The following IBTK variants were observed in gnomAD, a reference collection of about 807,000 sequenced individuals.
IBTK encodes the protein inhibitor of Bruton tyrosine kinase, also known as BTK-binding protein.
A neutral mutation model predicts 154.9 loss-of-function variants in IBTK; 83 were observed. That is an observed-to-expected ratio of 0.54 (90% CI 0.45 to 0.64). IBTK has a LOEUF of 0.64. Ranked by LOEUF, IBTK falls within the 30% of genes least tolerant of loss-of-function variation. IBTK has a pLI of 0.00. For synonymous variants in IBTK, 515 were observed against 536.1 expected (o/e 0.96, Z 0.54); for missense variants, 1,332 against 1,584.6 (o/e 0.84, Z 2.71).
intron 11 of IBTK, 147 bp from the exon 12 acceptor site, chr6:82,214,976 G>A: frequency 1.4e-6 from 1 of 738,994 alleles, no homozygotes; most frequent in Non-Finnish European, 2.1e-6. Flanking sequence ...CAAGAATATT[G>A]CACAAAGTCC....
Position 82,202,588 on chromosome 6 carries a change from T to C in IBTK, c.2669A>G (p.Gln890Arg), listed in dbSNP as rs1769251165. The C allele has an allele frequency of 1.2e-6, 2 of 1,611,392 alleles. No homozygotes were observed. The highest frequency in any genetic ancestry group is 1.7e-5 in the Admixed American group (1 of 59,470). The change falls in exon 18 of 29, where the codon CAG becomes CGG. Residue 890 changes from glutamine to arginine, a missense_variant. This residue lies in a region of IBTK where 1,134 missense variants were observed against 1,274.7 expected (regional missense o/e 0.89). Coordinates refer to ENST00000306270, the MANE Select transcript of IBTK (RefSeq NM_015525.4). ...AAACTGTAAACAAGACAGTTTCAAC[T>C]GTTTTGCACTATACATTGCTGCAAA... is the stretch of plus-strand genomic sequence containing the variant. ...LEFAAMYSAKQLKLSCLQFIG... is the reference protein window; with the variant it reads ...LEFAAMYSAKRLKLSCLQFIG...
intron 9 of IBTK, among the ~76,000 whole-genome samples, chr6:82,218,461 T>C (rs1371039073): frequency 6.6e-6 from 1 of 152,170 alleles, no homozygotes; most frequent in Non-Finnish European, 1.5e-5. Context: ...AACAAAATCT[T>C]AAAGCTACAA....
Position 82,194,661 on chromosome 6 carries a change from T to C in IBTK, c.3175-19A>G. 1 of 1,540,666 alleles carries C rather than the reference T, an allele frequency of 6.5e-7. No individual in the cohort carries two copies. Among genetic ancestry groups the C allele is most frequent in the Non-Finnish European group, 8.7e-7 (1 of 1,147,644 alleles). ...CTTTCGCCTGGGGAGAGAAAAAAAA[T>C]AAAAAAAGTTAACAGGCACCTAGAA... is the stretch of plus-strand genomic sequence containing the variant. On this transcript the variant is annotated intron_variant, in intron 22 of 28. Transcript: ENST00000306270.
intron 4 of IBTK, among the ~76,000 whole-genome samples, 191 bp downstream of exon 4, chr6:82,231,527 T>C (rs1770503019): frequency 6.6e-6 from 1 of 152,194 alleles, no homozygotes; most frequent in African/African-American, 2.4e-5. Flanking sequence ...TTAGGGTATT[T>C]TACAAAGTCT....
intron 22 of IBTK, 73 bp from the exon 23 acceptor site, chr6:82,194,715 T>C: frequency 1.1e-6 from 1 of 939,094 alleles, no homozygotes; most frequent in Non-Finnish European, 1.5e-6. Context: ...TGGTACTTAA[T>C]AAATATTAGT....
intron 18 of IBTK, 70 bp from the exon 19 acceptor site, chr6:82,201,552 C>A: frequency 9.8e-7 from 1 of 1,024,788 alleles, no homozygotes; most frequent in Non-Finnish European, 1.5e-6. Context: ...TGCTTACATA[C>A]GTAGATATTT....
intron 2 of IBTK, among the ~76,000 whole-genome samples, chr6:82,236,618 G>T (rs1370895684): frequency 6.7e-6 from 1 of 149,258 alleles, no homozygotes; most frequent in East Asian, 1.9e-4. Flanking sequence ...TTCTGCTAAG[G>T]TTTTATATCT....
chr6:82,231,644 A>G, intron 4 of IBTK, 74 bp downstream of exon 4: 1 of 1,162,646 alleles, frequency 8.6e-7, no homozygotes, highest in Non-Finnish European at 1.2e-6. Context: ...TGTAATCCAC[A>G]TGAAAAGCTG....
At chr6:82,217,935 C>T (rs1318012490) in intron 10 of IBTK, 25 bp downstream of exon 10, 18 of 1,441,184 alleles carry the variant, frequency 1.2e-5, no homozygotes, top group South Asian at 2.9e-5. Flanking sequence ...GGTACTTTTA[C>T]GTATTGTTCA....
At chr6:82,187,633 A>G (rs1455285483) in intron 25 of IBTK, among the ~76,000 whole-genome samples, 1 of 152,156 alleles carries the variant, frequency 6.6e-6, no homozygotes, top group Non-Finnish European at 1.5e-5. Flanking sequence ...AAATACTAGC[A>G]GTCATCAGGT....
intron 5 of IBTK, 98 bp downstream of exon 5, chr6:82,227,094 C>A: frequency 1.5e-6 from 1 of 682,152 alleles, no homozygotes. Context: ...TGTATTATTT[C>A]GTCCTTACAG....
intron 25 of IBTK, among the ~76,000 whole-genome samples, chr6:82,187,340 T>G (rs764443798): frequency 6.6e-6 from 1 of 152,214 alleles, no homozygotes; most frequent in South Asian, 2.1e-4. Flanking sequence ...AAAATTTGGA[T>G]AGATAGTCCC....
At chr6:82,206,683 C>A (rs1295563470) in intron 16 of IBTK, among the ~76,000 whole-genome samples, 6 of 151,884 alleles carry the variant, frequency 4.0e-5, no homozygotes. Context: ...ATTAAAGATG[C>A]AAAAATCCTC....
At chr6:82,223,924 G>A (rs1380782056) in intron 7 of IBTK, 144 bp downstream of exon 7, 2 of 622,860 alleles carry the variant, frequency 3.2e-6, no homozygotes, top group African/African-American at 1.9e-5. Context: ...ACTCCAGCTA[G>A]GATGACAGAG....
chr6:82,244,699 C>G lies in IBTK; in HGVS notation c.-358+2863G>C, dbSNP rs553549913. 3.9e-5 allele frequency among the ~76,000 whole-genome samples: 6 copies of G among 152,204 alleles called. No homozygotes were observed. In the South Asian group the frequency reaches 1.2e-3, roughly 32 times the overall value. On this transcript the variant is annotated intron_variant, in intron 1 of 28. Transcript: ENST00000306270. Reference sequence around the variant, plus strand: ...GCCCATATTTCCAATGCCTATTGTACTTCTTATCTATGCATTCAAAAACTG... The same window carrying G: ...GCCCATATTTCCAATGCCTATTGTAGTTCTTATCTATGCATTCAAAAACTG...
intron 1 of IBTK, among the ~76,000 whole-genome samples, chr6:82,245,935 G>A (rs1296108498): frequency 6.7e-6 from 1 of 150,086 alleles, no homozygotes; most frequent in Non-Finnish European, 1.5e-5. Flanking sequence ...ATTAAACAAC[G>A]GAAAAAACAC....
intron 25 of IBTK, among the ~76,000 whole-genome samples, chr6:82,189,886 C>T (rs1768697540): frequency 6.6e-6 from 1 of 152,050 alleles, no homozygotes; most frequent in Non-Finnish European, 1.5e-5. Flanking sequence ...TTTGGATTTT[C>T]CATACCTTTG....
intron 2 of IBTK, among the ~76,000 whole-genome samples, chr6:82,234,780 G>A (rs988446533): frequency 6.6e-6 from 1 of 151,972 alleles, no homozygotes; most frequent in African/African-American, 2.4e-5. Flanking sequence ...TCACATATCC[G>A]ACTCTTGCTG....
At chr6:82,235,571 G>A (rs529582309) in intron 2 of IBTK, among the ~76,000 whole-genome samples, 2 of 152,110 alleles carry the variant, frequency 1.3e-5, no homozygotes, top group East Asian at 1.9e-4. Context: ...TCCAGCCTGG[G>A]CAACAAGAGT....
Sources: allele counts gnomAD v4.1 joint callset (sites outside exome capture counted in the v4.1 genomes callset), GRCh38; gene constraint gnomAD v4.1.1; regional missense constraint gnomAD v4.1.1; transcripts MANE v1.5; gene names NCBI Gene and HGNC (gene_info 2026-07-23, HGNC 2026-07-21).